Variants in LMBR1 observed in about 807,000 individuals in gnomAD.
LMBR1 encodes the protein limb region 1 protein homolog.
LMBR1 carries 52 observed loss-of-function variants against 73.9 expected under a neutral mutation model. That is an observed-to-expected ratio of 0.70 (90% CI 0.56 to 0.89). The LOEUF is 0.89. Among genes scored for constraint, LMBR1 ranks in the 40% least tolerant of loss-of-function variants. The pLI is 0.00. For missense variants in LMBR1, 539 were observed against 579.8 expected (o/e 0.93, Z 0.72); for synonymous variants, 215 against 209.4 (o/e 1.03, Z -0.23).
intron 7 of LMBR1, 123 bp from the exon 8 acceptor site, chr7:156,762,321 TC>T: frequency 1.5e-6 from 1 of 647,974 alleles, no homozygotes; most frequent in Non-Finnish European, 2.8e-6. Context: ...CATTCTTCTC[TC>T]CAACTGAGAT....
intron 4 of LMBR1, among the ~76,000 whole-genome samples, chr7:156,824,497 T>C (rs144570528): frequency 4.9e-4 from 75 of 152,240 alleles, no homozygotes; most frequent in Non-Finnish European, 9.7e-4. Context: ...AAAAAGAATA[T>C]ACATTATTAG....
intron 1 of LMBR1, among the ~76,000 whole-genome samples, chr7:156,843,155 C>T (rs1328132365): frequency 6.6e-6 from 1 of 152,130 alleles, no homozygotes; most frequent in Non-Finnish European, 1.5e-5. Flanking sequence ...CTTTTCCTGC[C>T]AGCCTTTAAA....
intron 1 of LMBR1, among the ~76,000 whole-genome samples, chr7:156,892,280 C>T (rs891694453): frequency 3.9e-5 from 6 of 152,234 alleles, no homozygotes; most frequent in South Asian, 4.1e-4. Context: ...ACTCAACCCA[C>T]GTGGGGGCTG....
chr7:156,725,941 T>C, intron 12 of LMBR1, 104 bp from the exon 13 acceptor site: 2 of 829,316 alleles, frequency 2.4e-6, no homozygotes, highest in Non-Finnish European at 3.8e-6. Context: ...TATGAATGTT[T>C]ACTACTTTGA....
intron 15 of LMBR1, among the ~76,000 whole-genome samples, chr7:156,688,552 A>G (rs2131890204): frequency 6.6e-6 from 1 of 152,048 alleles, no homozygotes; most frequent in Non-Finnish European, 1.5e-5. Context: ...GACGGCTGTA[A>G]CTGATCACAG....
intron 5 of LMBR1, among the ~76,000 whole-genome samples, chr7:156,788,880 T>C (rs540148146): frequency 2.0e-5 from 3 of 152,186 alleles, no homozygotes; most frequent in African/African-American, 7.2e-5. Flanking sequence ...AAACCTCGTC[T>C]CTATTAAAAA....
At chr7:156,676,327 T>A, downstream of LMBR1, 1 of 1,613,034 alleles carries the variant, frequency 6.2e-7, no homozygotes, top group African/African-American at 1.3e-5. Flanking sequence ...AAGACCCATG[T>A]CTCGGGGCAC....
chr7:156,787,126 T>C (rs983183151), intron 5 of LMBR1, among the ~76,000 whole-genome samples: 5 of 152,162 alleles, frequency 3.3e-5, no homozygotes, highest in Admixed American at 3.3e-4. Context: ...GGTGTGCGCA[T>C]GCTTTAAAAT....
intron 5 of LMBR1, among the ~76,000 whole-genome samples, chr7:156,786,617 G>T (rs1585783214): frequency 6.6e-6 from 1 of 152,252 alleles, no homozygotes; most frequent in East Asian, 1.9e-4. Flanking sequence ...CTTGAAGAGT[G>T]AAACCAACTA....
chr7:156,736,674 C>G, intron 9 of LMBR1: 2 of 446,098 alleles, frequency 4.5e-6, no homozygotes, highest in Non-Finnish European at 9.1e-6. Context: ...CTCCCTTTCT[C>G]TCAATATGGC....
At chr7:156,836,759 G>T in intron 2 of LMBR1, 54 bp downstream of exon 2, 2 of 1,141,700 alleles carry the variant, frequency 1.8e-6, no homozygotes, top group Non-Finnish European at 2.6e-6. Flanking sequence ...TATATACCAT[G>T]CCTAGACCAT....
chr7:156,712,654 T>TA (rs1812320938), intron 15 of LMBR1, among the ~76,000 whole-genome samples: 1 of 152,134 alleles, frequency 6.6e-6, no homozygotes, highest in South Asian at 2.1e-4. Context: ...AAATGTGGTA[T>TA]AAAAACACAA....
chr7:156,737,359 T>G (rs539968378), intron 9 of LMBR1, among the ~76,000 whole-genome samples: 4 of 152,196 alleles, frequency 2.6e-5, no homozygotes, highest in Non-Finnish European at 5.9e-5. Context: ...TGCTTGTCAT[T>G]TCCCTTTTAA....
chr7:156,726,398 T>C (rs1489494457), intron 12 of LMBR1, among the ~76,000 whole-genome samples: 2 of 151,990 alleles, frequency 1.3e-5, no homozygotes, highest in East Asian at 3.9e-4. Context: ...TTTAAAAAAG[T>C]AATGCTATAA....
chr7:156,679,523 A>ATAT lies in LMBR1; in HGVS notation c.*4552_*4554dup, dbSNP rs34597583. On this transcript the variant is annotated 3_prime_UTR_variant, in exon 17 of 17. Transcript: ENST00000353442. ...ATATAAATAGCTACAGCAGTATCAA[A>ATAT]TATGCTTGGTTCTGAAGTGTCAGTG... 0.47 allele frequency: 70,623 copies of ATAT among 151,808 alleles called. 16,853 individuals are homozygous for ATAT. Among genetic ancestry groups the ATAT allele is most frequent in the East Asian group, 0.65 (3,363 of 5,140 alleles). The allele number at this position is 151,808 out of a possible 1,614,324, so 9.4% of individuals were successfully genotyped here. A position where few individuals can be genotyped will look rare whatever the true frequency, so the allele number is the denominator to read the frequency against.
At chr7:156,760,741 A>C (rs150620072) in intron 8 of LMBR1, among the ~76,000 whole-genome samples, 1 of 152,380 alleles carries the variant, frequency 6.6e-6, no homozygotes, top group African/African-American at 2.4e-5. Context: ...ATAAAAAATT[A>C]AACTTCATCT....
At chr7:156,702,221 A>C (rs1238713069) in intron 15 of LMBR1, among the ~76,000 whole-genome samples, 1 of 151,858 alleles carries the variant, frequency 6.6e-6, no homozygotes, top group African/African-American at 2.4e-5. Flanking sequence ...CAATGGCTGA[A>C]CTAACTTACA....
intron 9 of LMBR1, among the ~76,000 whole-genome samples, chr7:156,746,660 T>C (rs1168920997): frequency 6.6e-6 from 1 of 152,178 alleles, no homozygotes; most frequent in Non-Finnish European, 1.5e-5. Flanking sequence ...ACTAGATTCA[T>C]CTGAGATGAC....
chr7:156,878,114 T>C (rs977026064), intron 1 of LMBR1, among the ~76,000 whole-genome samples: 1 of 152,078 alleles, frequency 6.6e-6, no homozygotes, highest in Admixed American at 6.6e-5. Context: ...TGGAGAGAAG[T>C]TGAAAGCATT....
Sources: gnomAD v4.1 joint callset for allele counts (sites outside exome capture counted in the v4.1 genomes callset) on GRCh38, gnomAD v4.1.1 for gene constraint, MANE v1.5 for transcripts, NCBI Gene and HGNC (gene_info 2026-07-23, HGNC 2026-07-21) for gene names.